DPP6: variants seen among roughly 807,000 people sequenced by gnomAD.
DPP6 encodes dipeptidyl peptidase like 6.
A neutral mutation model predicts 122.6 loss-of-function variants in DPP6; 69 were observed. The ratio of observed to expected loss-of-function variants is 0.56; its 90% CI spans 0.46 to 0.69. DPP6 has a LOEUF of 0.69. Among genes scored for constraint, DPP6 ranks in the 30% least tolerant of loss-of-function variants. DPP6 has a pLI of 0.00. For missense variants in DPP6, 928 were observed against 1,116.9 expected, an observed-to-expected ratio of 0.83 and a Z score of 2.41; for synonymous variants, 418 against 433.1, an observed-to-expected ratio of 0.97 and a Z score of 0.43.
At chr7:153,771,219 G>A in the DPP6 span, among the ~76,000 whole-genome samples, 15 of 152,176 alleles carry the variant, frequency 9.9e-5, no homozygotes, top group African/African-American at 3.4e-4. Context: ...AACAAAATAT[G>A]AGAAGGTCCC....
At chr7:153,928,642 C>G (rs1673530540) in intron 1 of DPP6, among the ~76,000 whole-genome samples, 1 of 151,856 alleles carries the variant, frequency 6.6e-6, no homozygotes, top group Non-Finnish European at 1.5e-5. Context: ...GGGCAACAAT[C>G]CCATTATGAC....
chr7:153,935,776 A>G (rs1585055177), intron 1 of DPP6, among the ~76,000 whole-genome samples: 1 of 152,142 alleles, frequency 6.6e-6, no homozygotes, highest in East Asian at 1.9e-4. Flanking sequence ...TCTCCCGTTC[A>G]CCTGACTCCA....
chr7:153,888,445 A>G (rs1422594655), intron 1 of DPP6, among the ~76,000 whole-genome samples: 1 of 151,972 alleles, frequency 6.6e-6, no homozygotes, highest in East Asian at 2.0e-4. Context: ...GGACCCGGCG[A>G]TCCGCCTCCC....
the DPP6 span, among the ~76,000 whole-genome samples, chr7:153,817,805 T>C: frequency 1.1e-4 from 16 of 148,404 alleles, no homozygotes; most frequent in African/African-American, 3.9e-4. Context: ...TTAGGAGATA[T>C]ACCTAATGCT....
chr7:153,895,499 A>C (rs1317532894), intron 1 of DPP6, among the ~76,000 whole-genome samples: 1 of 152,208 alleles, frequency 6.6e-6, no homozygotes, highest in Non-Finnish European at 1.5e-5. Context: ...GCCAGAACAA[A>C]TATTTTGTTG....
intron 7 of DPP6, among the ~76,000 whole-genome samples, chr7:154,715,944 ATTC>A (rs1841458878): frequency 6.6e-6 from 1 of 152,022 alleles, no homozygotes; most frequent in Non-Finnish European, 1.5e-5. Flanking sequence ...TCCCATCTTA[ATTC>A]TTAGTAACCC....
chr7:154,275,952 T>G (rs1354255792), intron 1 of DPP6, among the ~76,000 whole-genome samples: 1 of 152,206 alleles, frequency 6.6e-6, no homozygotes, highest in Non-Finnish European at 1.5e-5. Context: ...ATTTGAAAAC[T>G]TGGGAATCAA....
intron 1 of DPP6, among the ~76,000 whole-genome samples, chr7:153,998,718 C>T (rs1797557650): frequency 6.6e-6 from 1 of 152,128 alleles, no homozygotes; most frequent in South Asian, 2.1e-4. Context: ...TACCCACTGC[C>T]CTTTATCCTC....
At chr7:154,804,892 C>G in intron 14 of DPP6, 25 bp from the exon 15 acceptor site, 8 of 1,594,666 alleles carry the variant, frequency 5.0e-6, no homozygotes, top group African/African-American at 1.3e-5. Context: ...CAAACTAACC[C>G]TGTGCACCTT....
chr7:154,074,947 A>C (rs1204319978), intron 1 of DPP6, among the ~76,000 whole-genome samples: 1 of 151,376 alleles, frequency 6.6e-6, no homozygotes, highest in African/African-American at 2.4e-5. Flanking sequence ...GAACTCAAAC[A>C]AATCAGCAAG....
rs1405288717 is a variant in DPP6, at chr7:154,820,850, A to C, written c.1666+13738A>C. On this transcript the variant is annotated intron_variant, in intron 16 of 25. Transcript: ENST00000377770. ...GAAACCTAATGAGTGTAATTCTAAG[A>C]ATTTTGGAGAAGATCTAACGATACA... 2.6e-5 allele frequency among the ~76,000 whole-genome samples: 4 copies of C among 152,194 alleles called. No individual in the cohort carries two copies. In the East Asian group the frequency reaches 7.7e-4, roughly 29 times the overall value.
At chr7:154,866,334 G>A (rs535256647) in intron 17 of DPP6, among the ~76,000 whole-genome samples, 1 of 152,360 alleles carries the variant, frequency 6.6e-6, no homozygotes, top group South Asian at 2.1e-4. Context: ...AAAGGGCTGA[G>A]GGCATTTGGA....
intron 5 of DPP6, among the ~76,000 whole-genome samples, chr7:154,571,448 G>C (rs1376856588): frequency 6.6e-6 from 1 of 152,100 alleles, no homozygotes; most frequent in African/African-American, 2.4e-5. Flanking sequence ...CCAACCCTAT[G>C]TATTATTGAG....
chr7:153,948,274 G>A (rs559960075), intron 1 of DPP6, among the ~76,000 whole-genome samples: 7 of 152,266 alleles, frequency 4.6e-5, no homozygotes, highest in East Asian at 1.9e-4. Flanking sequence ...TATAGTCCAG[G>A]GATGGCAAAG....
chr7:154,843,401 A>C (rs1193491848), intron 16 of DPP6, among the ~76,000 whole-genome samples: 7 of 152,210 alleles, frequency 4.6e-5, no homozygotes, highest in Non-Finnish European at 1.0e-4. Flanking sequence ...ACAGAAAAGC[A>C]ATCCCGTGTT....
chr7:154,346,738 G>A (rs1038244882), intron 1 of DPP6, among the ~76,000 whole-genome samples: 1 of 152,192 alleles, frequency 6.6e-6, no homozygotes, highest in Non-Finnish European at 1.5e-5. Flanking sequence ...GGTAGGCTGA[G>A]CATCTGTATC....
At chr7:154,318,896 G>C (rs1040179013) in intron 1 of DPP6, among the ~76,000 whole-genome samples, 7 of 152,206 alleles carry the variant, frequency 4.6e-5, no homozygotes, top group Non-Finnish European at 1.0e-4. Flanking sequence ...GGTAGCTTCT[G>C]TGTTGGCAGT....
intron 1 of DPP6, among the ~76,000 whole-genome samples, chr7:154,264,684 T>G (rs1483632578): frequency 6.6e-6 from 1 of 151,932 alleles, no homozygotes; most frequent in East Asian, 1.9e-4. Flanking sequence ...CTGATGATGG[T>G]GTTGATGATG....
In DPP6 at chr7:154,783,663, A is replaced by G. The variant is rs553209390; in HGVS notation, c.1137-10416A>G. ...TTCCTGTAGAGTCTCCCTCTGATCAATGCTTCCCTTTGTCCCCTCGAGAGA... is the reference window on the plus strand; with the variant it reads ...TTCCTGTAGAGTCTCCCTCTGATCAGTGCTTCCCTTTGTCCCCTCGAGAGA... On this transcript the variant is annotated intron_variant, in intron 10 of 25. Coordinates refer to ENST00000377770, the MANE Select transcript of DPP6 (RefSeq NM_130797.4). 4.6e-5 allele frequency among the ~76,000 whole-genome samples: 7 copies of G among 152,202 alleles called. No homozygotes were observed. The East Asian group carries it at 9.7e-4, about 21-fold the overall frequency.
Sources: allele counts gnomAD v4.1 joint callset (sites outside exome capture counted in the v4.1 genomes callset), GRCh38; gene constraint gnomAD v4.1.1; transcripts MANE v1.5; gene names NCBI Gene and HGNC (gene_info 2026-07-23, HGNC 2026-07-21).